The following MRPS12 variants were observed in gnomAD, a reference collection of about 807,000 sequenced individuals.
MRPS12 encodes the protein mitochondrial ribosomal protein S12.
Under a neutral mutation model 8.4 loss-of-function variants are expected in MRPS12, and 7 were observed. The observed-to-expected ratio is 0.83, with a 90% CI of 0.47 to 1.56. The LOEUF (loss-of-function observed/expected upper bound fraction) is 1.56, where lower values mean the gene tolerates loss of function less well. Among genes scored for constraint, MRPS12 ranks in the 40% most tolerant of loss-of-function variants. The pLI is 0.01. For missense variants in MRPS12, 200 were observed against 194.1 expected (o/e 1.03, Z -0.18); for synonymous variants, 84 against 84.1 (o/e 1.00, Z 0.01).
intron 2 of MRPS12, 80 bp downstream of exon 2, chr19:38,931,423 A>G: frequency 7.4e-7 from 1 of 1,348,826 alleles, no homozygotes; most frequent in Non-Finnish European, 9.9e-7. Context: ...CCTCCGTCGG[A>G]GCCCCGAGGG....
In MRPS12 at chr19:38,932,983, G is replaced by C; in HGVS notation, c.*283G>C. On this transcript the variant is annotated 3_prime_UTR_variant, in exon 3 of 3. Coordinates refer to ENST00000308018, the MANE Select transcript of MRPS12 (RefSeq NM_033362.4). The stretch of plus-strand genomic sequence containing the variant: ...CACTGTACTGCCCTCTGCTGGGAAG[G>C]GGTTTTAATAAACAGACCCTGGCGC... 1 of 397,594 alleles carries C rather than the reference G, an allele frequency of 2.5e-6. No individual in the cohort carries two copies. Among genetic ancestry groups the C allele is most frequent in the Non-Finnish European group, 4.5e-6 (1 of 220,418 alleles). 24.6% of individuals were successfully genotyped at this position (397,594 alleles called of 1,614,324 possible).
chr19:38,932,768 G>GCACGGCT lies in MRPS12; in HGVS notation c.*68_*69insCACGGCT. The GCACGGCT allele has an allele frequency of 6.4e-7, 1 of 1,563,048 alleles. No individual in the cohort carries two copies. Among genetic ancestry groups the GCACGGCT allele is most frequent in the South Asian group, 1.2e-5 (1 of 85,272 alleles). On this transcript the variant is annotated 3_prime_UTR_variant, in exon 3 of 3. Coordinates refer to ENST00000308018, the MANE Select transcript of MRPS12 (RefSeq NM_033362.4). ...ACCTTCCGCTCCTGGCTGCCACAGGGTCCTCCGATGCTGGCCTTTGCGCCT... is the reference window on the plus strand; with the variant it reads ...ACCTTCCGCTCCTGGCTGCCACAGGGCACGGCTTCCTCCGATGCTGGCCTTTGCGCCT...
Position 38,932,451 on chromosome 19 carries a change from G to C in MRPS12, c.168G>C (p.Pro56=), listed in dbSNP as rs541356492. Reference sequence around the variant, plus strand: ...AGCTGGGCCCCACGGAAGGCCGGCCGCAGCTGAAGGGTGTGGTCCTGTGCA... The same window carrying C: ...AGCTGGGCCCCACGGAAGGCCGGCCCCAGCTGAAGGGTGTGGTCCTGTGCA... ...PRKLGPTEGR[P]QLKGVVLCTF... Residue 56 remains proline (P), a synonymous_variant, in exon 3 of 3, where the codon CCG becomes CCC. Transcript: ENST00000308018. 1.6e-5 allele frequency: 25 copies of C among 1,612,512 alleles called. No individual in the cohort carries two copies. Among genetic ancestry groups the C allele is most frequent in the Non-Finnish European group, 2.1e-5 (25 of 1,179,218 alleles).
rs1974742919 is a variant in MRPS12 at position 38,931,262 on chromosome 19, A to T, written c.-19-14A>T. 1 of 1,575,796 alleles carries T rather than the reference A, an allele frequency of 6.3e-7. No homozygotes were observed. The highest frequency in any genetic ancestry group is 1.4e-5 in the African/African-American group (1 of 72,806). On this transcript the variant is annotated splice_polypyrimidine_tract_variant and intron_variant, in intron 1 of 2. Coordinates refer to ENST00000308018, the MANE Select transcript of MRPS12 (RefSeq NM_033362.4). ...CTTTTTCCTCCTTTCTGAGTCTCTT[A>T]TCCCCTACCACAGGGACGGCCCAGG...
intron 2 of MRPS12, chr19:38,931,557 A>G (rs767766673): frequency 2.6e-5 from 11 of 419,522 alleles, no homozygotes; most frequent in Non-Finnish European, 4.2e-5. Flanking sequence ...TTTATTATTT[A>G]TTTATTTAAG....
rs2144792833 is a variant in MRPS12, at chr19:38,932,503, A to G, written c.220A>G (p.Asn74Asp). The G allele has an allele frequency of 6.2e-7, 1 of 1,613,190 alleles. No homozygotes were observed. The highest frequency in any genetic ancestry group is 1.7e-4 in the Middle Eastern group (1 of 6,060). Residue 74 changes from asparagine to aspartate, a missense_variant, in exon 3 of 3, where the codon AAC becomes GAC. Transcript: ENST00000308018. The part of the protein sequence containing the change: ...CTFTRKPKKP[N>D]SANRKCCRVR... ...GTTTACCCGCAAGCCGAAGAAGCCC[A>G]ACTCAGCCAATCGCAAGTGCTGTCG...
In MRPS12 at chr19:38,932,748, C is replaced by T. The variant is rs779387916; in HGVS notation, c.*48C>T. 1.3e-6 allele frequency: 2 copies of T among 1,582,950 alleles called. No homozygotes were observed. Among genetic ancestry groups the T allele is most frequent in the African/African-American group, 1.3e-5 (1 of 74,478 alleles). On this transcript the variant is annotated 3_prime_UTR_variant, in exon 3 of 3. Transcript: ENST00000308018. ...GGCGCCCCTGCAGAACATGAACCTT[C>T]CGCTCCTGGCTGCCACAGGGTCCTC...
rs1305252802 is a variant in MRPS12, at chr19:38,932,942, TTCTGCTGGGACAAGACACTGTACTGCCC to T, written c.*253_*280del. On this transcript the variant is annotated 3_prime_UTR_variant, in exon 3 of 3. Coordinates refer to ENST00000308018, the MANE Select transcript of MRPS12 (RefSeq NM_033362.4). ...TTAGAGGGGTGGCCTGAAGGACCTT[TTCTGCTGGGACAAGACACTGTACTGCCC>T]TCTGCTGGGAAGGGGTTTTAATAAA... 1.1e-5 allele frequency: 6 copies of T among 560,322 alleles called. No individual in the cohort carries two copies. Among genetic ancestry groups the T allele is most frequent in the Non-Finnish European group, 1.9e-5 (6 of 319,026 alleles). 34.7% of individuals were successfully genotyped at this position (560,322 alleles called of 1,614,324 possible). A position where few individuals can be genotyped will look rare whatever the true frequency, so the allele number is the denominator to read the frequency against.
chr19:38,931,398 T>C, intron 2 of MRPS12, 55 bp downstream of exon 2: 1 of 1,477,578 alleles, frequency 6.8e-7, no homozygotes, highest in South Asian at 1.3e-5. Flanking sequence ...GGTTATTCGC[T>C]CTTGGACTTG....
At chr19:38,931,107 C>G (rs970744168) in intron 1 of MRPS12, 109 bp downstream of exon 1, 1 of 664,894 alleles carries the variant, frequency 1.5e-6, no homozygotes, top group Non-Finnish European at 2.6e-6. Flanking sequence ...CCACTCAGAG[C>G]GAGGCTAAAT....
Position 38,931,322 on chromosome 19 carries a change from C to A in MRPS12, c.28C>A (p.Leu10Ile). The A allele has an allele frequency of 1.2e-6, 2 of 1,602,688 alleles. No individual in the cohort carries two copies. The highest frequency in any genetic ancestry group is 1.7e-6 in the Non-Finnish European group (2 of 1,175,014). ...GTCCTGGTCTGGCCTTCTCCATGGC[C>A]TCAACACGTCCCTAACTTGTGGTAA... MSWSGLLHG[L>I]NTSLTCGPAL... The change falls in exon 2 of 3, where the codon CTC becomes ATC. Residue 10 changes from leucine (L) to isoleucine (I), a missense_variant. Leu to Ile is a conservative substitution (Grantham distance 5). Transcript: ENST00000308018.
At chr19:38,931,458 G>C in intron 2 of MRPS12, 115 bp downstream of exon 2, 4 of 1,077,580 alleles carry the variant, frequency 3.7e-6, no homozygotes, top group Non-Finnish European at 5.2e-6. Flanking sequence ...AAACACGGTG[G>C]GGTTTTGGCA....
chr19:38,932,007 G>A (rs984825953), intron 2 of MRPS12: 1 of 218,224 alleles, frequency 4.6e-6, no homozygotes, highest in African/African-American at 2.3e-5. Context: ...GTGGTGGTGG[G>A]TGCCTGTAGT....
Position 38,932,543 on chromosome 19 carries a change from C to G in MRPS12, c.260C>G (p.Thr87Ser), listed in dbSNP as rs1331064103. The G allele has an allele frequency of 6.2e-7, 1 of 1,613,022 alleles. No homozygotes were observed. The highest frequency in any genetic ancestry group is 1.3e-5 in the African/African-American group (1 of 74,942). Reference sequence around the variant, plus strand: ...AAGTGCTGTCGAGTGCGGCTCAGCACTGGCCGCGAGGCCGTCTGCTTCATC... The same window carrying G: ...AAGTGCTGTCGAGTGCGGCTCAGCAGTGGCCGCGAGGCCGTCTGCTTCATC... ...NRKCCRVRLSTGREAVCFIPG... is the reference protein window; with the variant it reads ...NRKCCRVRLSSGREAVCFIPG... Residue 87 changes from threonine to serine, a missense_variant, in exon 3 of 3, where the codon ACT (threonine) becomes AGT (serine). Coordinates refer to ENST00000308018, the MANE Select transcript of MRPS12 (RefSeq NM_033362.4).
Position 38,932,959 on chromosome 19 carries a change from A to C in MRPS12, c.*259A>C. 1.9e-6 allele frequency: 1 copy of C among 523,138 alleles called. No homozygotes were observed. The highest frequency in any genetic ancestry group is 3.4e-6 in the Non-Finnish European group (1 of 293,658). The allele number at this position is 523,138 out of a possible 1,614,324, so 32.4% of individuals were successfully genotyped here. A position where few individuals can be genotyped will look rare whatever the true frequency, so the allele number is the denominator to read the frequency against. Reference sequence around the variant, plus strand: ...AGGACCTTTTCTGCTGGGACAAGACACTGTACTGCCCTCTGCTGGGAAGGG... The same window carrying C: ...AGGACCTTTTCTGCTGGGACAAGACCCTGTACTGCCCTCTGCTGGGAAGGG... On this transcript the variant is annotated 3_prime_UTR_variant, in exon 3 of 3. Coordinates refer to ENST00000308018, the MANE Select transcript of MRPS12 (RefSeq NM_033362.4).
In MRPS12 at chr19:38,932,435, C is replaced by T. The variant is rs1974773943; in HGVS notation, c.152C>T (p.Pro51Leu). The T allele has an allele frequency of 6.2e-7, 1 of 1,611,840 alleles. No individual in the cohort carries two copies. Among genetic ancestry groups the T allele is most frequent in the Admixed American group, 1.7e-5 (1 of 59,932 alleles). ...PPKRPPRKLG[P>L]TEGRPQLKGV... ...AAGCGGCCGCCTCGGAAGCTGGGCC[C>T]CACGGAAGGCCGGCCGCAGCTGAAG... The change falls in exon 3 of 3, where the codon CCC (proline) becomes CTC (leucine). Residue 51 changes from proline to leucine, a missense_variant. By Grantham distance (98) the Pro-to-Leu change is moderately conservative. Transcript: ENST00000308018.
intron 2 of MRPS12, chr19:38,931,727 A>C (rs1454885831): frequency 1.2e-5 from 2 of 173,650 alleles, no homozygotes; most frequent in African/African-American, 4.7e-5. Context: ...TTCTTTGTAG[A>C]GAGGGAGGTC....
chr19:38,932,420 C>G lies in MRPS12; in HGVS notation c.137C>G (p.Pro46Arg). The G allele has an allele frequency of 1.9e-6, 3 of 1,610,070 alleles. No homozygotes were observed. The highest frequency in any genetic ancestry group is 2.5e-6 in the Non-Finnish European group (3 of 1,177,548). ...MHRLGPPKRP[P>R]RKLGPTEGRP... Reference sequence around the variant, plus strand: ...CGCCTGGGGCCCCCCAAGCGGCCGCCTCGGAAGCTGGGCCCCACGGAAGGC... The same window carrying G: ...CGCCTGGGGCCCCCCAAGCGGCCGCGTCGGAAGCTGGGCCCCACGGAAGGC... The change falls in exon 3 of 3, where the codon CCT becomes CGT. Residue 46 changes from proline (P) to arginine (R), a missense_variant. Coordinates refer to ENST00000308018, the MANE Select transcript of MRPS12 (RefSeq NM_033362.4).
chr19:38,932,123 G>C (rs1239329181), intron 2 of MRPS12, among the ~76,000 whole-genome samples: 1 of 141,828 alleles, frequency 7.1e-6, no homozygotes, highest in African/African-American at 2.7e-5. Flanking sequence ...GCGACAGAGT[G>C]AGACTTTGTC....
Sources: gnomAD v4.1 joint callset for allele counts (sites outside exome capture counted in the v4.1 genomes callset) on GRCh38, gnomAD v4.1.1 for gene constraint, MANE v1.5 for transcripts, NCBI Gene and HGNC (gene_info 2026-07-23, HGNC 2026-07-21) for gene names.